ANGEL1: variants seen among roughly 807,000 people sequenced by gnomAD.
The protein encoded by ANGEL1 is angel homolog 1.
In ANGEL1, 62 loss-of-function variants were observed where a neutral mutation model predicts 76.4. The ratio of observed to expected loss-of-function variants is 0.81; its 90% CI spans 0.66 to 1.00. ANGEL1 has a LOEUF of 1.00. Among genes scored for constraint, ANGEL1 ranks in the 50% least tolerant of loss-of-function variants. The pLI, the probability that ANGEL1 is intolerant of heterozygous loss-of-function variation, is 0.00. For missense variants in ANGEL1, 737 were observed against 836.7 expected (o/e 0.88, Z 1.47); for synonymous variants, 340 against 331.7 (o/e 1.03, Z -0.27).
rs367994519 is a variant in ANGEL1, at chr14:76,791,320, C to T, written c.1665G>A (p.Ser555=). The part of the protein sequence containing the change: ...WAESVLEEDA[S]ELEPAFSRTV... ...ACCTGGAGAAGGCAGGCTCAAGCTCCGATGCATCTTCCTCAAGGACAGACT... is the reference window on the plus strand; with the variant it reads ...ACCTGGAGAAGGCAGGCTCAAGCTCTGATGCATCTTCCTCAAGGACAGACT... The change falls in exon 8 of 10, where the codon TCG becomes TCA. Residue 555 remains serine (S), a synonymous_variant. Transcript: ENST00000251089. 17 of 1,613,946 alleles carry T rather than the reference C, an allele frequency of 1.1e-5. No individual in the cohort carries two copies. The highest frequency in any genetic ancestry group is 2.2e-5 in the East Asian group (1 of 44,898).
chr14:76,812,540 G>A, intron 1 of ANGEL1: 2 of 1,247,424 alleles, frequency 1.6e-6, no homozygotes, highest in Non-Finnish European at 2.0e-6. Context: ...CTGACAACAG[G>A]CGGGAGGAGG....
At chr14:76,796,704 C>T (rs182743738) in intron 7 of ANGEL1, among the ~76,000 whole-genome samples, 36 of 152,170 alleles carry the variant, frequency 2.4e-4, no homozygotes, top group Middle Eastern at 3.4e-3. Context: ...ATTTATCATC[C>T]GACATGTTAC....
intron 5 of ANGEL1, among the ~76,000 whole-genome samples, chr14:76,805,773 G>A (rs1164382545): frequency 6.6e-6 from 1 of 152,202 alleles, no homozygotes; most frequent in East Asian, 1.9e-4. Context: ...CACAGTATTT[G>A]AGGGTAAGAG....
chr14:76,802,647 C>A (rs1894799762), intron 7 of ANGEL1, among the ~76,000 whole-genome samples: 1 of 151,724 alleles, frequency 6.6e-6, no homozygotes, highest in Non-Finnish European at 1.5e-5. Context: ...TCCAGAGACT[C>A]TCCTATCATG....
intron 4 of ANGEL1, 92 bp downstream of exon 4, chr14:76,807,341 A>T: frequency 7.6e-7 from 1 of 1,307,610 alleles, no homozygotes; most frequent in Non-Finnish European, 1.1e-6. Context: ...CTGAGGGTTT[A>T]CTAAGACAAA....
chr14:76,791,241 C>G (rs1894396333), intron 8 of ANGEL1, 56 bp downstream of exon 8: 1 of 1,589,382 alleles, frequency 6.3e-7, no homozygotes, highest in Non-Finnish European at 8.6e-7. Flanking sequence ...GGGAATCTCT[C>G]TCTTACACCT....
intron 5 of ANGEL1, among the ~76,000 whole-genome samples, chr14:76,806,106 G>A (rs977896125): frequency 6.6e-6 from 1 of 152,176 alleles, no homozygotes; most frequent in Admixed American, 6.5e-5. Context: ...GAATAGAATA[G>A]GGAATGTGGG....
chr14:76,805,167 CAA>C (rs1376459378), intron 5 of ANGEL1, among the ~76,000 whole-genome samples: 1 of 151,914 alleles, frequency 6.6e-6, no homozygotes, highest in Non-Finnish European at 1.5e-5. Context: ...TTAATCCACC[CAA>C]AAAAACACCT....
chr14:76,791,471 C>G (rs1894403956), intron 7 of ANGEL1, 105 bp from the exon 8 acceptor site: 4 of 941,096 alleles, frequency 4.3e-6, no homozygotes, highest in Non-Finnish European at 6.4e-6. Flanking sequence ...TGGATTGCTT[C>G]AGAAGGATCC....
intron 9 of ANGEL1, among the ~76,000 whole-genome samples, chr14:76,790,310 T>C (rs541212045): frequency 6.6e-6 from 1 of 152,326 alleles, no homozygotes; most frequent in East Asian, 1.9e-4. Context: ...AAGTCCCTCA[T>C]TCAGTGGCTG....
intron 7 of ANGEL1, among the ~76,000 whole-genome samples, chr14:76,794,594 A>G (rs543918972): frequency 2.0e-5 from 3 of 151,286 alleles, no homozygotes; most frequent in African/African-American, 7.3e-5. Context: ...TCGCTTGAAC[A>G]TGGGAGGCAG....
chr14:76,795,078 A>G (rs1031473479), intron 7 of ANGEL1, among the ~76,000 whole-genome samples: 1 of 152,198 alleles, frequency 6.6e-6, no homozygotes, highest in African/African-American at 2.4e-5. Flanking sequence ...TAACTTTAAC[A>G]GGAATGCTAT....
At chr14:76,798,120 C>A (rs1894638269) in intron 7 of ANGEL1, among the ~76,000 whole-genome samples, 1 of 130,286 alleles carries the variant, frequency 7.7e-6, no homozygotes, top group South Asian at 2.7e-4. Context: ...ACTAAATTTG[C>A]CAGTGCCTTT....
chr14:76,807,999 G>A lies in ANGEL1; in HGVS notation c.799C>T (p.His267Tyr), dbSNP rs913859548. ...CAATTGAGGATGTCTGGATGGCAAT[G>A]TAGATAGAGCTCTGAGCTCTGCTGC... ...LMQQSSELYLHCHPDILNWNY... is the reference protein window; with the variant it reads ...LMQQSSELYLYCHPDILNWNY... Residue 267 changes from histidine (H) to tyrosine (Y), a missense_variant, in exon 3 of 10, where the codon CAT becomes TAT. Transcript: ENST00000251089. 3.1e-6 allele frequency: 5 copies of A among 1,614,104 alleles called. No individual in the cohort carries two copies. In the African/African-American group the frequency reaches 6.7e-5, roughly 22 times the overall value.
At chr14:76,789,477 C>T in intron 9 of ANGEL1, 89 bp from the exon 10 acceptor site, 1 of 1,481,808 alleles carries the variant, frequency 6.7e-7, no homozygotes, top group Non-Finnish European at 9.2e-7. Context: ...GGAACGCCTT[C>T]TGCAGGCTGC....
At chr14:76,803,703 A>T in intron 6 of ANGEL1, 83 bp downstream of exon 6, 1 of 1,524,012 alleles carries the variant, frequency 6.6e-7, no homozygotes, top group South Asian at 1.3e-5. Context: ...GAGGGATTAC[A>T]CTTTTTCTTG....
intron 7 of ANGEL1, among the ~76,000 whole-genome samples, chr14:76,799,573 G>A (rs200932234): frequency 1.3e-5 from 2 of 152,018 alleles, no homozygotes; most frequent in Non-Finnish European, 2.9e-5. Context: ...GATTACAGGC[G>A]TGAGCCACCG....
chr14:76,808,090 C>T lies in ANGEL1; in HGVS notation c.708G>A (p.Lys236=), dbSNP rs763844986. The stretch of plus-strand genomic sequence containing the variant: ...ACTGGAACTGAGGGCCATCTCCTGC[C>T]TTCAGGCCCTGAGCATCTGGCTGGG... ...FSTQPDAQGL[K]AGDGPQFQFT... is the part of the protein sequence containing the mutation. Residue 236 remains lysine, a synonymous_variant, in exon 3 of 10, where the codon AAG becomes AAA. Coordinates refer to ENST00000251089, the MANE Select transcript of ANGEL1 (RefSeq NM_015305.4). 1.9e-6 allele frequency: 3 copies of T among 1,613,972 alleles called. No homozygotes were observed. The highest frequency in any genetic ancestry group is 2.5e-6 in the Non-Finnish European group (3 of 1,180,052).
Position 76,789,032 on chromosome 14 carries a change from G to A in ANGEL1, c.*196C>T, listed in dbSNP as rs1894320397. On this transcript the variant is annotated 3_prime_UTR_variant, in exon 10 of 10. Coordinates refer to ENST00000251089, the MANE Select transcript of ANGEL1 (RefSeq NM_015305.4). ...TGGCACAGGATTAGGAAGAGGCTGG[G>A]GTGGGGCAAGGACCACAGGCAGAGA... is the stretch of plus-strand genomic sequence containing the variant. 1.5e-6 allele frequency: 1 copy of A among 675,588 alleles called. No homozygotes were observed. The allele number at this position is 675,588 out of a possible 1,614,324, so 41.8% of individuals were successfully genotyped here. A position where few individuals can be genotyped will look rare whatever the true frequency, so the allele number is the denominator to read the frequency against.
Sources: gnomAD v4.1 joint callset for allele counts (sites outside exome capture counted in the v4.1 genomes callset) on GRCh38, gnomAD v4.1.1 for gene constraint, MANE v1.5 for transcripts, NCBI Gene and HGNC (gene_info 2026-07-23, HGNC 2026-07-21) for gene names.